The following RELN variants were observed in gnomAD, a reference collection of about 807,000 sequenced individuals.
RELN encodes reelin.
Under a neutral mutation model 427.6 loss-of-function variants are expected in RELN, and 108 were observed. The observed-to-expected ratio is 0.25, with a 90% CI of 0.22 to 0.30. The LOEUF (loss-of-function observed/expected upper bound fraction) is 0.30, where lower values mean the gene tolerates loss of function less well. Among genes scored for constraint, RELN ranks in the 10% least tolerant of loss-of-function variants. RELN has a pLI of 1.00. For missense variants in RELN, 3,715 were observed against 4,302.8 expected (o/e 0.86, Z 3.82); for synonymous variants, 1,524 against 1,513.4 (o/e 1.01, Z -0.16).
chr7:103,615,118 T>C (rs531831443), intron 20 of RELN, among the ~76,000 whole-genome samples: 133 of 152,266 alleles, frequency 8.7e-4, no homozygotes, highest in African/African-American at 3.1e-3. Flanking sequence ...GAGAAGGCAT[T>C]GGGAATCAGG....
intron 38 of RELN, among the ~76,000 whole-genome samples, chr7:103,556,637 C>A (rs1830527598): frequency 6.6e-6 from 1 of 152,086 alleles, no homozygotes; most frequent in South Asian, 2.1e-4. Flanking sequence ...CTGATGAGAT[C>A]TGATGGGTTT....
At chr7:103,865,132 C>CAAAAAAA (rs386410871) in intron 2 of RELN, among the ~76,000 whole-genome samples, 34 of 67,154 alleles carry the variant, frequency 5.1e-4, no homozygotes, top group African/African-American at 1.5e-3. Context: ...GAAACTGTCT[C>CAAAAAAA]AAAAAAAAAA....
chr7:103,822,564 G>T (rs189680533), intron 3 of RELN, among the ~76,000 whole-genome samples: 1 of 152,110 alleles, frequency 6.6e-6, no homozygotes, highest in East Asian at 1.9e-4. Context: ...GCATATTCAA[G>T]CATTTTTCCA....
chr7:103,982,601 A>G (rs1797014783), intron 1 of RELN, among the ~76,000 whole-genome samples: 1 of 152,164 alleles, frequency 6.6e-6, no homozygotes, highest in African/African-American at 2.4e-5. Context: ...CATGGAGTCA[A>G]AGGAAGCAAA....
chr7:103,807,825 T>C (rs1206220746), intron 3 of RELN, among the ~76,000 whole-genome samples: 1 of 152,140 alleles, frequency 6.6e-6, no homozygotes, highest in African/African-American at 2.4e-5. Context: ...GTATTTCATG[T>C]GCATATGTAC....
chr7:103,770,141 A>G (rs569062317), intron 4 of RELN, among the ~76,000 whole-genome samples: 6 of 152,110 alleles, frequency 3.9e-5, no homozygotes, highest in South Asian at 2.1e-4. Context: ...CTGGAGTGCA[A>G]TGGCATGATT....
chr7:103,691,807 T>C (rs1194963087), intron 10 of RELN, among the ~76,000 whole-genome samples: 1 of 152,054 alleles, frequency 6.6e-6, no homozygotes, highest in African/African-American at 2.4e-5. Context: ...AGCAAGACTC[T>C]TTCTCAAAAA....
intron 1 of RELN, among the ~76,000 whole-genome samples, chr7:103,983,706 G>A (rs995827465): frequency 2.0e-5 from 3 of 152,086 alleles, no homozygotes; most frequent in African/African-American, 4.8e-5. Context: ...GCCTTTTAAC[G>A]TGTATTAAGT....
At chr7:103,720,820 T>C (rs1223349256) in intron 8 of RELN, among the ~76,000 whole-genome samples, 1 of 152,144 alleles carries the variant, frequency 6.6e-6, no homozygotes. Flanking sequence ...AACAGAATGA[T>C]GTCACACCCT....
At position 103,553,801 on chromosome 7, in the gene RELN, T is replaced by G. The variant is rs753703930; in HGVS notation, c.5828A>C (p.Asp1943Ala). 4.3e-6 allele frequency: 7 copies of G among 1,613,896 alleles called. No individual in the cohort carries two copies. The highest frequency in any genetic ancestry group is 5.9e-6 in the Non-Finnish European group (7 of 1,179,936). Residue 1943 changes from aspartate to alanine, a missense_variant, in exon 39 of 65, where the codon GAC becomes GCC. Physicochemically the swap from Asp to Ala is moderately radical, Grantham distance 126. Around this residue, in one of 4 missense-constraint regions of RELN, gnomAD observed 1,310 missense variants for 1,643.0 expected, o/e 0.80. Transcript: ENST00000428762. ...GKKEEIWIVD[D>A]FIIDGNNVNN... is the part of the protein sequence containing the mutation. ...TACATTATTTCCATCGATAATGAAG[T>G]CATCAACAATCCAGATTTCTTCTTT...
intron 15 of RELN, among the ~76,000 whole-genome samples, chr7:103,650,739 C>A (rs1235932855): frequency 6.6e-6 from 1 of 152,070 alleles, no homozygotes; most frequent in African/African-American, 2.4e-5. Flanking sequence ...TATGCTCCTG[C>A]CTCAGCCTCC....
chr7:103,800,915 G>A (rs1490044750), intron 3 of RELN, among the ~76,000 whole-genome samples: 2 of 152,160 alleles, frequency 1.3e-5, no homozygotes, highest in Non-Finnish European at 2.9e-5. Flanking sequence ...GAAAAAGTGG[G>A]CAAAGGGTAT....
rs149399098 is a variant in RELN, at chr7:103,581,795, G to A, written c.4146-6090C>T. Among the ~76,000 whole-genome samples, 11 of 152,048 alleles carry A rather than the reference G, an allele frequency of 7.2e-5. No homozygotes were observed. The East Asian group carries it at 7.7e-4, about 11-fold the overall frequency. On this transcript the variant is annotated intron_variant, in intron 28 of 64. Coordinates refer to ENST00000428762, the MANE Select transcript of RELN (RefSeq NM_005045.4). ...TTCCTCTCTTGGAATGCTGGAGCCC[G>A]CCGAACTGAAAAATACTGAGATGAA...
At chr7:103,599,211 T>C (rs1831608428) in intron 24 of RELN, among the ~76,000 whole-genome samples, 1 of 152,220 alleles carries the variant, frequency 6.6e-6, no homozygotes, top group African/African-American at 2.4e-5. Context: ...AAAATAACCA[T>C]TTCTTCAGAA....
chr7:103,554,102 G>A (rs1408144811), intron 38 of RELN, among the ~76,000 whole-genome samples: 1 of 151,956 alleles, frequency 6.6e-6, no homozygotes. Context: ...TGGGAGGACT[G>A]CTTGGGTCCA....
At chr7:103,917,815 G>A (rs10257692) in intron 1 of RELN, among the ~76,000 whole-genome samples, 9,898 of 152,142 alleles carry the variant, frequency 0.065, 1,048 homozygotes, top group African/African-American at 0.22. Flanking sequence ...AAATCAGGAC[G>A]TTGCTGGGAA....
At chr7:103,690,422 G>A (rs1833849954) in intron 10 of RELN, among the ~76,000 whole-genome samples, 1 of 152,074 alleles carries the variant, frequency 6.6e-6, no homozygotes, top group African/African-American at 2.4e-5. Context: ...GTTCTTAAAT[G>A]TGGAACACCC....
chr7:103,521,893 G>C (rs939404270), intron 48 of RELN, 129 bp downstream of exon 48: 1 of 885,228 alleles, frequency 1.1e-6, no homozygotes, highest in Admixed American at 1.9e-5. Flanking sequence ...TGCAAGTTCA[G>C]ATCAGGGTTG....
intron 49 of RELN, among the ~76,000 whole-genome samples, chr7:103,516,575 A>T (rs1391210343): frequency 5.9e-5 from 9 of 152,156 alleles, no homozygotes; most frequent in Admixed American, 5.9e-4. Flanking sequence ...GGCATGAGCC[A>T]CCATGCCCAG....
Sources: gnomAD v4.1 joint callset for allele counts (sites outside exome capture counted in the v4.1 genomes callset) on GRCh38, gnomAD v4.1.1 for gene constraint, gnomAD v4.1.1 regional missense constraint, MANE v1.5 for transcripts, NCBI Gene and HGNC (gene_info 2026-07-23, HGNC 2026-07-21) for gene names.